The following ZMIZ1 variants were observed in gnomAD, a reference collection of about 807,000 sequenced individuals.
The protein encoded by ZMIZ1 is zinc finger MIZ-type containing 1.
ZMIZ1 carries 17 observed loss-of-function variants against 113.9 expected under a neutral mutation model. That is an observed-to-expected ratio of 0.15 (90% confidence interval 0.10 to 0.22). ZMIZ1 has a LOEUF of 0.22. ZMIZ1 is among the 10% of genes least tolerant of loss of function. The probability of loss-of-function intolerance (pLI) is 1.00; values close to 1 mark genes in which losing one functional copy is unlikely to be tolerated. For synonymous variants in ZMIZ1, 607 were observed against 603.1 expected (o/e 1.01, Z -0.09); for missense variants, 1,059 against 1,477.8 (o/e 0.72, Z 4.65).
Position 79,290,825 on chromosome 10 carries a change from C to G in ZMIZ1, c.541-134C>G, listed in dbSNP as rs565685071. 8.3e-5 allele frequency: 84 copies of G among 1,008,446 alleles called. No homozygotes were observed. The African/African-American group carries it at 1.3e-3, about 15-fold the overall frequency. 62.5% of individuals were successfully genotyped at this position (1,008,446 alleles called of 1,614,324 possible). On this transcript the variant is annotated intron_variant, in intron 9 of 24. Transcript: ENST00000334512. ...GTACACTCAGAATAGTTCATCCACC[C>G]TCCATTTTTTTCCTCCTCCCTGTTG...
intron 7 of ZMIZ1, among the ~76,000 whole-genome samples, chr10:79,260,697 G>A (rs1297666297): frequency 6.6e-6 from 1 of 152,194 alleles, no homozygotes; most frequent in African/African-American, 2.4e-5. Context: ...GGAACGGTGA[G>A]GTGGAATCAT....
rs373518749 is a variant in ZMIZ1, at chr10:79,298,621, C to T, written c.1666+41C>T. The T allele has an allele frequency of 2.6e-6, 4 of 1,539,740 alleles. No individual in the cohort carries two copies. In the African/African-American group the frequency reaches 4.2e-5, roughly 16 times the overall value. On this transcript the variant is annotated intron_variant, in intron 15 of 24. Coordinates refer to ENST00000334512, the MANE Select transcript of ZMIZ1 (RefSeq NM_020338.4). ...CCCTCTCTTGGCAGCTCCACCTGGG[C>T]CCCCCAGTGGGCCGGGAGCAGGGGC...
At chr10:79,101,889 C>T (rs1226136311) in intron 1 of ZMIZ1, among the ~76,000 whole-genome samples, 1 of 152,204 alleles carries the variant, frequency 6.6e-6, no homozygotes, top group Admixed American at 6.5e-5. Flanking sequence ...CTGTCAATTA[C>T]CATCAGCTGC....
At chr10:79,292,745 T>C in intron 11 of ZMIZ1, 1 of 469,982 alleles carries the variant, frequency 2.1e-6, no homozygotes, top group Middle Eastern at 3.2e-4. Context: ...CTGAGACCAG[T>C]GCCCTCCTAG....
rs988201042 is a variant in ZMIZ1, at chr10:79,314,876, A to C, written c.*2127A>C. ...CTTGCCCAGTGTCTGTGGCCTGGCAAGTGGCCACGCCCTGTGTCAGACCAT... is the reference window on the plus strand; with the variant it reads ...CTTGCCCAGTGTCTGTGGCCTGGCACGTGGCCACGCCCTGTGTCAGACCAT... On this transcript the variant is annotated 3_prime_UTR_variant, in exon 25 of 25. Coordinates refer to ENST00000334512, the MANE Select transcript of ZMIZ1 (RefSeq NM_020338.4). The C allele has an allele frequency of 6.5e-6, 1 of 153,302 alleles. No homozygotes were observed. The highest frequency in any genetic ancestry group is 1.9e-4 in the East Asian group (1 of 5,348). The allele number at this position is 153,302 out of a possible 1,614,324, so 9.5% of individuals were successfully genotyped here.
chr10:79,159,267 C>T (rs1296818742), intron 3 of ZMIZ1, among the ~76,000 whole-genome samples: 1 of 152,242 alleles, frequency 6.6e-6, no homozygotes, highest in Non-Finnish European at 1.5e-5. Context: ...CCTGCCCTCT[C>T]TTCTCCCTGA....
intron 1 of ZMIZ1, among the ~76,000 whole-genome samples, chr10:79,071,858 C>T (rs1159625970): frequency 6.6e-6 from 1 of 151,932 alleles, no homozygotes; most frequent in Non-Finnish European, 1.5e-5. Flanking sequence ...TTTGTTTTCC[C>T]CCAAAGGACA....
chr10:79,175,581 TGC>T (rs1286574619), intron 4 of ZMIZ1, among the ~76,000 whole-genome samples: 14 of 132,746 alleles, frequency 1.1e-4, no homozygotes, highest in African/African-American at 4.2e-4. Flanking sequence ...CTGTGCACTC[TGC>T]GTGTGTGTGT....
At chr10:79,233,923 G>A (rs981445615) in intron 7 of ZMIZ1, among the ~76,000 whole-genome samples, 2 of 152,146 alleles carry the variant, frequency 1.3e-5, no homozygotes, top group African/African-American at 4.8e-5. Flanking sequence ...TAGTGAAGTT[G>A]GGCAAACCAG....
rs1449321975 is a variant in ZMIZ1, at chr10:79,314,304, G to A, written c.*1555G>A. ...GGGGTCCCATCTGTAAATTCTTTGC[G>A]CCCTTCCCGGCTGCTGCCTGGGGCC... On this transcript the variant is annotated 3_prime_UTR_variant, in exon 25 of 25. Coordinates refer to ENST00000334512, the MANE Select transcript of ZMIZ1 (RefSeq NM_020338.4). The A allele has an allele frequency of 1.3e-5, 6 of 454,034 alleles. No homozygotes were observed. Among genetic ancestry groups the A allele is most frequent in the South Asian group, 6.2e-5 (4 of 64,524 alleles). The allele number at this position is 454,034 out of a possible 1,614,324, so 28.1% of individuals were successfully genotyped here.
intron 4 of ZMIZ1, among the ~76,000 whole-genome samples, chr10:79,186,431 A>C (rs1329167773): frequency 6.6e-6 from 1 of 152,224 alleles, no homozygotes; most frequent in Non-Finnish European, 1.5e-5. Context: ...AGCCCTGGGC[A>C]GGAAGGGGCT....
chr10:79,248,272 A>G (rs1250743553), intron 7 of ZMIZ1, among the ~76,000 whole-genome samples: 2 of 152,200 alleles, frequency 1.3e-5, no homozygotes, highest in Non-Finnish European at 2.9e-5. Flanking sequence ...GGGCAGGATG[A>G]GAAAGGACTG....
rs1394608236 is a variant in ZMIZ1 at position 79,312,689 on chromosome 10, C to A, written c.3144C>A (p.Asp1048Glu). The change falls in exon 25 of 25, where the codon GAC becomes GAA. Residue 1048 changes from aspartate to glutamate, a missense_variant. Coordinates refer to ENST00000334512, the MANE Select transcript of ZMIZ1 (RefSeq NM_020338.4). ...TNPDELLSYL[D>E]PPDLPSNSND... ...CTGACGAGCTCCTGTCTTATCTGGA[C>A]CCCCCCGACCTGCCGAGCAATAGTA... is the stretch of plus-strand genomic sequence containing the variant. 3.1e-6 allele frequency: 5 copies of A among 1,613,716 alleles called. No homozygotes were observed. The South Asian group carries it at 3.3e-5, about 11-fold the overall frequency.
intron 4 of ZMIZ1, among the ~76,000 whole-genome samples, chr10:79,186,349 A>G (rs914750549): frequency 1.1e-4 from 16 of 152,200 alleles, no homozygotes; most frequent in African/African-American, 3.9e-4. Flanking sequence ...TCCACAGGAG[A>G]AAAACATGAC....
chr10:79,112,258 T>A (rs905209428), intron 1 of ZMIZ1, among the ~76,000 whole-genome samples: 6 of 152,164 alleles, frequency 3.9e-5, no homozygotes, highest in Non-Finnish European at 8.8e-5. Context: ...CAGCAGACCT[T>A]CCTTGACAGC....
chr10:79,077,530 A>G (rs1842515842), intron 1 of ZMIZ1, among the ~76,000 whole-genome samples: 1 of 152,140 alleles, frequency 6.6e-6, no homozygotes, highest in Non-Finnish European at 1.5e-5. Flanking sequence ...ATGGTGTTCC[A>G]TCGAAAAATG....
chr10:79,243,227 C>T (rs976183710), intron 7 of ZMIZ1, among the ~76,000 whole-genome samples: 5 of 150,804 alleles, frequency 3.3e-5, no homozygotes, highest in African/African-American at 1.2e-4. Flanking sequence ...CGGCGCAGAG[C>T]GCGGGCCGTG....
chr10:79,294,049 G>C, intron 12 of ZMIZ1: 1 of 282,462 alleles, frequency 3.5e-6, no homozygotes, highest in Non-Finnish European at 7.0e-6. Flanking sequence ...TCCTCTCCAA[G>C]AAAGAGAGCT....
chr10:79,192,738 G>A (rs1027679242), intron 4 of ZMIZ1, among the ~76,000 whole-genome samples: 2 of 152,208 alleles, frequency 1.3e-5, no homozygotes, highest in African/African-American at 4.8e-5. Flanking sequence ...AGATGAGGAT[G>A]CAGGCTCAGG....
Sources: allele counts gnomAD v4.1 joint callset (sites outside exome capture counted in the v4.1 genomes callset), GRCh38; gene constraint gnomAD v4.1.1; transcripts MANE v1.5; gene names NCBI Gene and HGNC (gene_info 2026-07-23, HGNC 2026-07-21).